Variants in SMAP1 observed in about 807,000 individuals in gnomAD.
The protein encoded by SMAP1 is stromal membrane-associated protein 1.
In SMAP1, 24 loss-of-function variants were observed where a neutral mutation model predicts 58.5. The ratio of observed to expected loss-of-function variants is 0.41; its 90% CI spans 0.30 to 0.58. The LOEUF (loss-of-function observed/expected upper bound fraction) is 0.58, where lower values mean the gene tolerates loss of function less well. Among genes scored for constraint, SMAP1 ranks in the 20% least tolerant of loss-of-function variants. SMAP1 has a pLI of 0.29. For synonymous variants in SMAP1, 216 were observed against 196.6 expected, an observed-to-expected ratio of 1.10 and a Z score of -0.82; for missense variants, 563 against 566.3, an observed-to-expected ratio of 0.99 and a Z score of 0.06.
At chr6:70,693,056 T>TA (rs1767243199) in intron 1 of SMAP1, among the ~76,000 whole-genome samples, 1 of 152,262 alleles carries the variant, frequency 6.6e-6, no homozygotes, top group Non-Finnish European at 1.5e-5. Flanking sequence ...GTGCTGGGAT[T>TA]ACAGGCGTGA....
chr6:70,790,186 G>A (rs2149941418), intron 4 of SMAP1, among the ~76,000 whole-genome samples: 1 of 152,172 alleles, frequency 6.6e-6, no homozygotes, highest in East Asian at 1.9e-4. Context: ...TGTCTCCGAG[G>A]CTGGAGTGCA....
Position 70,861,892 on chromosome 6 carries a change from C to A in SMAP1, c.*1558C>A. On this transcript the variant is annotated 3_prime_UTR_variant, in exon 11 of 11. Coordinates refer to ENST00000370455, the MANE Select transcript of SMAP1 (RefSeq NM_001044305.3). ...ACTGTTGTTATCTGTTTGAGAAAGT[C>A]AGATTCTTGCATCCCTGGCTGGGAT... 6.2e-7 allele frequency: 1 copy of A among 1,613,928 alleles called. No individual in the cohort carries two copies. Among genetic ancestry groups the A allele is most frequent in the South Asian group, 1.1e-5 (1 of 91,068 alleles).
At chr6:70,721,194 C>A (rs1273026547) in intron 1 of SMAP1, among the ~76,000 whole-genome samples, 2 of 152,116 alleles carry the variant, frequency 1.3e-5, no homozygotes, top group Non-Finnish European at 2.9e-5. Context: ...GCTCTGCTTC[C>A]CTTATAAAAC....
chr6:70,680,508 A>C (rs1477155220), intron 1 of SMAP1, among the ~76,000 whole-genome samples: 3 of 152,190 alleles, frequency 2.0e-5, no homozygotes, highest in Admixed American at 6.5e-5. Context: ...TAGCAGCATT[A>C]TTCATAATAG....
chr6:70,836,912 A>T, intron 6 of SMAP1, 29 bp from the exon 7 acceptor site: 1 of 1,498,246 alleles, frequency 6.7e-7, no homozygotes, highest in East Asian at 2.5e-5. Flanking sequence ...CTTAAGAAAA[A>T]TTAATAAATC....
intron 1 of SMAP1, chr6:70,668,798 C>A: frequency 1.4e-6 from 2 of 1,450,834 alleles, no homozygotes; most frequent in Admixed American, 2.1e-5. Flanking sequence ...TGGTTATTAG[C>A]CAGAATGAAG....
At chr6:70,691,532 A>C (rs1027207559) in intron 1 of SMAP1, among the ~76,000 whole-genome samples, 1 of 152,162 alleles carries the variant, frequency 6.6e-6, no homozygotes, top group Non-Finnish European at 1.5e-5. Context: ...TGTGTTATCA[A>C]ATACTAGATC....
intron 1 of SMAP1, among the ~76,000 whole-genome samples, chr6:70,727,019 G>A (rs755746804): frequency 8.1e-5 from 12 of 149,046 alleles, no homozygotes; most frequent in Middle Eastern, 3.4e-3. Flanking sequence ...TCTTCAAGAT[G>A]GGGGGGGCAC....
chr6:70,785,220 A>G (rs1028309599), intron 4 of SMAP1, among the ~76,000 whole-genome samples: 5 of 152,240 alleles, frequency 3.3e-5, no homozygotes, highest in Admixed American at 6.5e-5. Flanking sequence ...ACATAACGAA[A>G]TGAAGGCATA....
intron 3 of SMAP1, among the ~76,000 whole-genome samples, chr6:70,765,981 T>G (rs192206839): frequency 0.033 from 4,930 of 148,050 alleles, 296 homozygotes; most frequent in African/African-American, 0.12. Context: ...CACCTATGAG[T>G]GAGAATATGC....
intron 1 of SMAP1, among the ~76,000 whole-genome samples, chr6:70,702,164 A>T (rs544650245): frequency 1.3e-5 from 2 of 151,946 alleles, no homozygotes; most frequent in East Asian, 3.9e-4. Context: ...AGTTTTAATC[A>T]GTTTGATTAT....
chr6:70,817,119 A>AATATAT (rs374628204), intron 6 of SMAP1, among the ~76,000 whole-genome samples: 16 of 146,370 alleles, frequency 1.1e-4, no homozygotes, highest in African/African-American at 3.5e-4. Flanking sequence ...ACTGTATTAG[A>AATATAT]ATATATATAT....
At chr6:70,741,408 C>T (rs1410730384) in intron 2 of SMAP1, among the ~76,000 whole-genome samples, 1 of 152,182 alleles carries the variant, frequency 6.6e-6, no homozygotes, top group East Asian at 1.9e-4. Flanking sequence ...GCAGGTCAGT[C>T]AAATCTTAAA....
At chr6:70,752,916 G>A (rs143717666) in intron 2 of SMAP1, among the ~76,000 whole-genome samples, 26 of 151,872 alleles carry the variant, frequency 1.7e-4, no homozygotes, top group Admixed American at 7.2e-4. Flanking sequence ...TTTGGCAGTG[G>A]TCTCCTATAG....
intron 7 of SMAP1, among the ~76,000 whole-genome samples, chr6:70,842,914 A>G (rs1489444195): frequency 1.3e-5 from 2 of 152,150 alleles, no homozygotes; most frequent in African/African-American, 4.8e-5. Flanking sequence ...AGGAGTAAAA[A>G]CTTGCCAGAA....
Position 70,668,076 on chromosome 6 carries a change from A to C in SMAP1, c.53A>C (p.Gln18Pro). Reference protein sequence around the residue: ...EKAQKLNEQHQLILSKLLREE... With the variant: ...EKAQKLNEQHPLILSKLLREE... ...GCTCAGAAGCTGAACGAGCAGCACCAGCTCATCCTATCCAAGCTTCTGAGG... is the reference window on the plus strand; with the variant it reads ...GCTCAGAAGCTGAACGAGCAGCACCCGCTCATCCTATCCAAGCTTCTGAGG... Residue 18 changes from glutamine (Q) to proline (P), a missense_variant, in exon 1 of 11, where the codon CAG becomes CCG. By Grantham distance (76) the Gln-to-Pro change is moderately conservative. This residue lies in a region of SMAP1 where 52 missense variants were observed against 46.6 expected (regional missense o/e 1.11). Coordinates refer to ENST00000370455, the MANE Select transcript of SMAP1 (RefSeq NM_001044305.3). 3 of 1,606,088 alleles carry C rather than the reference A, an allele frequency of 1.9e-6. No individual in the cohort carries two copies. The highest frequency in any genetic ancestry group is 2.5e-6 in the Non-Finnish European group (3 of 1,176,866).
intron 4 of SMAP1, among the ~76,000 whole-genome samples, chr6:70,773,799 A>G (rs1228182877): frequency 1.3e-5 from 2 of 152,214 alleles, no homozygotes; most frequent in Admixed American, 6.5e-5. Flanking sequence ...TGGTTGGTCC[A>G]TTGAGAAATG....
intron 4 of SMAP1, among the ~76,000 whole-genome samples, chr6:70,778,298 G>A (rs1386303933): frequency 6.6e-6 from 1 of 152,122 alleles, no homozygotes. Flanking sequence ...GTTCTTAGAA[G>A]AGAAGTTTTC....
At chr6:70,680,791 T>C (rs577355076) in intron 1 of SMAP1, among the ~76,000 whole-genome samples, 82 of 137,458 alleles carry the variant, frequency 6.0e-4, no homozygotes, top group African/African-American at 1.9e-3. Context: ...TGATCTCGGC[T>C]CACTGCAGCC....
Sources: allele counts gnomAD v4.1 joint callset (sites outside exome capture counted in the v4.1 genomes callset), GRCh38; gene constraint gnomAD v4.1.1; regional missense constraint gnomAD v4.1.1; transcripts MANE v1.5; gene names NCBI Gene and HGNC (gene_info 2026-07-23, HGNC 2026-07-21).